Variants in DENND2B observed in about 807,000 individuals in gnomAD.
DENND2B encodes DENN domain-containing protein 2B.
A neutral mutation model predicts 116.0 loss-of-function variants in DENND2B; 32 were observed. The observed-to-expected ratio is 0.28, with a 90% CI of 0.21 to 0.37. The LOEUF (loss-of-function observed/expected upper bound fraction) is 0.37. Ranked by LOEUF, DENND2B falls within the 10% of genes least tolerant of loss-of-function variation. The probability of loss-of-function intolerance (pLI) is 1.00; values close to 1 mark genes in which losing one functional copy is unlikely to be tolerated. For missense variants in DENND2B, 1,276 were observed against 1,477.7 expected (o/e 0.86, Z 2.24); for synonymous variants, 588 against 583.9 (o/e 1.01, Z -0.10).
intron 1 of DENND2B, among the ~76,000 whole-genome samples, chr11:8,773,071 T>A (rs752089685): frequency 1.1e-4 from 17 of 152,200 alleles, no homozygotes; most frequent in Admixed American, 1.0e-3. Context: ...TTCATAGGAA[T>A]GTAATTCTGG....
At chr11:8,847,899 G>A (rs1301802478) in intron 3 of DENND2B, among the ~76,000 whole-genome samples, 3 of 152,108 alleles carry the variant, frequency 2.0e-5, no homozygotes, top group Admixed American at 1.3e-4. Flanking sequence ...GAACTATCCC[G>A]CAAATGATCA....
At chr11:8,854,047 T>TTTTTTTTG (rs2063110958) in intron 3 of DENND2B, among the ~76,000 whole-genome samples, 3 of 119,466 alleles carry the variant, frequency 2.5e-5, no homozygotes, top group African/African-American at 8.9e-5. Flanking sequence ...TTTTTTTTTT[T>TTTTTTTTG]GTAGAGACAG....
intron 1 of DENND2B, among the ~76,000 whole-genome samples, chr11:8,881,315 T>A (rs1488160668): frequency 6.6e-6 from 1 of 152,166 alleles, no homozygotes; most frequent in Non-Finnish European, 1.5e-5. Flanking sequence ...GTTCCTGTAC[T>A]GTTCCTTTAA....
intron 3 of DENND2B, among the ~76,000 whole-genome samples, chr11:8,841,299 T>G (rs1447852731): frequency 1.3e-5 from 2 of 152,176 alleles, no homozygotes; most frequent in East Asian, 3.9e-4. Flanking sequence ...ATTTAAAATT[T>G]TTCCTATATT....
intron 16 of DENND2B, 39 bp from the exon 17 acceptor site, chr11:8,697,675 CACTG>C: frequency 7.3e-7 from 1 of 1,369,994 alleles, no homozygotes. Flanking sequence ...TCATAGCTGA[CACTG>C]AGCACTTACT....
chr11:8,838,488 C>G (rs74632098), intron 4 of DENND2B, among the ~76,000 whole-genome samples: 3,441 of 152,286 alleles, frequency 0.023, 58 homozygotes, highest in Middle Eastern at 0.051. Flanking sequence ...AAACAGTTTA[C>G]TGCATGTCTT....
At chr11:8,796,183 T>C (rs1392404649) in intron 1 of DENND2B, among the ~76,000 whole-genome samples, 1 of 152,176 alleles carries the variant, frequency 6.6e-6, no homozygotes, top group Non-Finnish European at 1.5e-5. Flanking sequence ...ACTGCATACA[T>C]TTTCATTTCA....
intron 14 of DENND2B, among the ~76,000 whole-genome samples, chr11:8,701,364 G>GGGC: frequency 2.2e-5 from 2 of 90,718 alleles, no homozygotes; most frequent in African/African-American, 4.3e-5. Flanking sequence ...GGGGGGAGGG[G>GGGC]CTACATGAAT....
intron 4 of DENND2B, among the ~76,000 whole-genome samples, chr11:8,832,926 A>T (rs1332807869): frequency 3.3e-5 from 5 of 152,254 alleles, no homozygotes; most frequent in Non-Finnish European, 4.4e-5. Flanking sequence ...CAAGGGTCTT[A>T]GGGAGACCCG....
intron 1 of DENND2B, among the ~76,000 whole-genome samples, chr11:8,892,863 T>C (rs917249628): frequency 6.6e-6 from 1 of 151,988 alleles, no homozygotes; most frequent in Admixed American, 6.6e-5. Context: ...TTCCAATCAA[T>C]AGAAAAAGAG....
Position 8,764,954 on chromosome 11 carries a change from A to G in DENND2B, c.-25-14229T>C, listed in dbSNP as rs975058214. Among the ~76,000 whole-genome samples the G allele has an allele frequency of 8.6e-4, 129 of 150,788 alleles. No homozygotes were observed. In the East Asian group the frequency reaches 0.023, roughly 27 times the overall value. ...AGTGAGACTGTCTCAAAAAAAAAAAAAAAAAAAAAAAGAATTAGAAAAGGA... is the reference window on the plus strand; with the variant it reads ...AGTGAGACTGTCTCAAAAAAAAAAAGAAAAAAAAAAAGAATTAGAAAAGGA... On this transcript the variant is annotated intron_variant, in intron 1 of 19. Coordinates refer to ENST00000313726, the MANE Select transcript of DENND2B (RefSeq NM_213618.2).
At chr11:8,895,088 T>C (rs2064083448) in intron 1 of DENND2B, among the ~76,000 whole-genome samples, 1 of 152,206 alleles carries the variant, frequency 6.6e-6, no homozygotes, top group Non-Finnish European at 1.5e-5. Flanking sequence ...GATGAGTTCA[T>C]GTCCTTTGTA....
chr11:8,696,058 C>G (rs2040303089), intron 18 of DENND2B: 2 of 285,952 alleles, frequency 7.0e-6, no homozygotes, highest in Non-Finnish European at 1.3e-5. Context: ...GCCCAATGCT[C>G]TGTAAGGGAA....
intron 3 of DENND2B, among the ~76,000 whole-genome samples, chr11:8,855,797 T>C (rs1212621775): frequency 6.6e-6 from 1 of 152,024 alleles, no homozygotes; most frequent in African/African-American, 2.4e-5. Flanking sequence ...AGACAGGGAT[T>C]AGGGAGAAGG....
intron 4 of DENND2B, among the ~76,000 whole-genome samples, chr11:8,821,902 C>T (rs1349718053): frequency 1.3e-5 from 2 of 152,176 alleles, no homozygotes; most frequent in Non-Finnish European, 2.9e-5. Flanking sequence ...AGCAATTCTC[C>T]CACCTCAGCT....
In DENND2B at chr11:8,696,663, C is replaced by T; in HGVS notation, c.3056G>A (p.Cys1019Tyr). The T allele has an allele frequency of 1.2e-6, 2 of 1,613,818 alleles. No individual in the cohort carries two copies. Among genetic ancestry groups the T allele is most frequent in the Non-Finnish European group, 1.7e-6 (2 of 1,179,744 alleles). ...CGACACCAGCCCATTGAGGGTATTA[C>T]ATTCTGGAAGGGAAAAGACAATCTT... ...QDSDSDSDDE[C>Y]NTLNGLVSEV... is the part of the protein sequence containing the mutation. Residue 1019 changes from cysteine to tyrosine, a missense_variant, in exon 18 of 20, where the codon TGT becomes TAT. By Grantham distance (194) the Cys-to-Tyr change is radical. Coordinates refer to ENST00000313726, the MANE Select transcript of DENND2B (RefSeq NM_213618.2).
At chr11:8,801,943 T>C (rs1465329600) in intron 1 of DENND2B, among the ~76,000 whole-genome samples, 7 of 125,780 alleles carry the variant, frequency 5.6e-5, no homozygotes, top group African/African-American at 2.2e-4. Flanking sequence ...AGTGAGCCAA[T>C]ATCGCACCAC....
intron 3 of DENND2B, among the ~76,000 whole-genome samples, chr11:8,727,617 A>G (rs2133905731): frequency 6.6e-6 from 1 of 152,292 alleles, no homozygotes; most frequent in Middle Eastern, 3.4e-3. Context: ...CTCTATCTTG[A>G]TGACTCCCAG....
intron 1 of DENND2B, among the ~76,000 whole-genome samples, chr11:8,754,029 G>GCGTGCACACACA (rs146486674): frequency 1.4e-5 from 2 of 138,830 alleles, no homozygotes; most frequent in South Asian, 4.9e-4. Context: ...CCAAAAGCGC[G>GCGTGCACACACA]CACACACACA....
Sources: gnomAD v4.1 joint callset for allele counts (sites outside exome capture counted in the v4.1 genomes callset) on GRCh38, gnomAD v4.1.1 for gene constraint, MANE v1.5 for transcripts, NCBI Gene and HGNC (gene_info 2026-07-23, HGNC 2026-07-21) for gene names.